Variants in PRICKLE1 observed in about 807,000 individuals in gnomAD.
PRICKLE1 encodes the protein prickle planar cell polarity protein 1.
PRICKLE1 carries 14 observed loss-of-function variants against 70.2 expected under a neutral mutation model. The observed-to-expected ratio is 0.20, with a 90% confidence interval of 0.13 to 0.31. The LOEUF (loss-of-function observed/expected upper bound fraction) is 0.31, where lower values mean the gene tolerates loss of function less well. Among genes scored for constraint, PRICKLE1 ranks in the 10% least tolerant of loss-of-function variants. The pLI, the probability that PRICKLE1 is intolerant of heterozygous loss-of-function variation, is 1.00. For missense variants in PRICKLE1, 821 were observed against 1,026.2 expected (o/e 0.80, Z 2.73); for synonymous variants, 357 against 379.9 (o/e 0.94, Z 0.70).
chr12:42,495,264 T>C (rs538747849), intron 1 of PRICKLE1, among the ~76,000 whole-genome samples: 7 of 151,232 alleles, frequency 4.6e-5, no homozygotes, highest in Admixed American at 2.0e-4. Flanking sequence ...TGTGCACCTA[T>C]AGTCCCAGCT....
intron 1 of PRICKLE1, among the ~76,000 whole-genome samples, chr12:42,555,481 C>T (rs997900517): frequency 2.6e-5 from 4 of 152,108 alleles, no homozygotes; most frequent in African/African-American, 9.7e-5. Flanking sequence ...CATTGCTTTT[C>T]TTATTCCCAC....
chr12:42,560,175 C>T (rs887728378), intron 1 of PRICKLE1, among the ~76,000 whole-genome samples: 6 of 149,924 alleles, frequency 4.0e-5, no homozygotes, highest in South Asian at 2.1e-4. Flanking sequence ...CTCGCTCTGT[C>T]GCCCAGGCTG....
intron 1 of PRICKLE1, among the ~76,000 whole-genome samples, chr12:42,479,657 C>T (rs898593032): frequency 9.9e-5 from 15 of 152,270 alleles, no homozygotes; most frequent in African/African-American, 3.1e-4. Flanking sequence ...AAAGCCAGAA[C>T]TTAGAAAGAA....
chr12:42,532,084 G>A (rs1170153043), intron 1 of PRICKLE1, among the ~76,000 whole-genome samples: 1 of 152,194 alleles, frequency 6.6e-6, no homozygotes, highest in Non-Finnish European at 1.5e-5. Flanking sequence ...ACGATCGCTT[G>A]AGCCTGGGAG....
intron 1 of PRICKLE1, among the ~76,000 whole-genome samples, chr12:42,546,359 T>C (rs1014580452): frequency 6.6e-6 from 1 of 152,214 alleles, no homozygotes; most frequent in African/African-American, 2.4e-5. Context: ...AAAAATTAAG[T>C]GAAAACAGAT....
At chr12:42,509,900 C>T (rs1939481825) in intron 1 of PRICKLE1, among the ~76,000 whole-genome samples, 1 of 151,778 alleles carries the variant, frequency 6.6e-6, no homozygotes. Context: ...TGGTGAAACC[C>T]TGTCTCTACT....
At chr12:42,537,202 A>G (rs2708034) in intron 1 of PRICKLE1, among the ~76,000 whole-genome samples, 1 of 151,788 alleles carries the variant, frequency 6.6e-6, no homozygotes, top group Non-Finnish European at 1.5e-5. Context: ...GTAGTACTAT[A>G]ATCATGGTTC....
At chr12:42,577,328 C>G (rs981859385) in intron 1 of PRICKLE1, among the ~76,000 whole-genome samples, 1 of 151,690 alleles carries the variant, frequency 6.6e-6, no homozygotes, top group Non-Finnish European at 1.5e-5. Flanking sequence ...ACATTGAACT[C>G]TAAGGTAAAC....
intron 1 of PRICKLE1, among the ~76,000 whole-genome samples, chr12:42,566,625 T>C (rs1940625020): frequency 6.6e-6 from 1 of 152,222 alleles, no homozygotes; most frequent in African/African-American, 2.4e-5. Context: ...AGGTTTGTTA[T>C]TAGGATTAAA....
chr12:42,550,589 A>T (rs533250928), intron 1 of PRICKLE1, among the ~76,000 whole-genome samples: 4 of 152,230 alleles, frequency 2.6e-5, no homozygotes, highest in Non-Finnish European at 5.9e-5. Context: ...TGTGGAAAAG[A>T]CATAACCCCT....
rs563801693 is a variant in PRICKLE1, at chr12:42,497,995, A to T, written c.-48-25431T>A. On this transcript the variant is annotated intron_variant, in intron 1 of 7. Transcript: ENST00000345127. Reference sequence around the variant, plus strand: ...AAATCTAATGATGCCATTCTCTTTTAAAAAATTATTATTTATTTATTTATT... The same window carrying T: ...AAATCTAATGATGCCATTCTCTTTTTAAAAATTATTATTTATTTATTTATT... Among the ~76,000 whole-genome samples the T allele has an allele frequency of 2.6e-4, 40 of 152,182 alleles. No individual in the cohort carries two copies. In the South Asian group the frequency reaches 6.9e-3, roughly 26 times the overall value.
intron 1 of PRICKLE1, among the ~76,000 whole-genome samples, chr12:42,479,104 A>G (rs1185867445): frequency 6.6e-6 from 1 of 152,244 alleles, no homozygotes; most frequent in Non-Finnish European, 1.5e-5. Context: ...TTAAAACAGA[A>G]AAGAATTTCA....
At chr12:42,514,399 GATC>G (rs949285515) in intron 1 of PRICKLE1, among the ~76,000 whole-genome samples, 5 of 150,802 alleles carry the variant, frequency 3.3e-5, no homozygotes, top group African/African-American at 1.2e-4. Flanking sequence ...GAAGAAGAAA[GATC>G]ATCATCTTTT....
intron 1 of PRICKLE1, among the ~76,000 whole-genome samples, chr12:42,556,991 GTT>G (rs199967853): frequency 7.0e-6 from 1 of 143,774 alleles, no homozygotes. Context: ...CAAAATTTCT[GTT>G]TTTTTTTTTT....
In PRICKLE1 at chr12:42,459,949, G is replaced by A. The variant is rs1937738994; in HGVS notation, c.2356C>T (p.Pro786Ser). The stretch of plus-strand genomic sequence containing the variant: ...TAGTAGGCAAATCTCTGTGGCCGGG[G>A]TTGAGGGATTGGTTGTCCAAGAAAA... ...GYFLGQPIPQPRPQRFAYYTD... is the reference protein window; with the variant it reads ...GYFLGQPIPQSRPQRFAYYTD... The change falls in exon 8 of 8, where the codon CCC (proline) becomes TCC (serine). Residue 786 changes from proline to serine, a missense_variant. Coordinates refer to ENST00000345127, the MANE Select transcript of PRICKLE1 (RefSeq NM_153026.3). 2 of 1,614,164 alleles carry A rather than the reference G, an allele frequency of 1.2e-6. No individual in the cohort carries two copies. The highest frequency in any genetic ancestry group is 2.2e-5 in the East Asian group (1 of 44,868).
At chr12:42,563,143 A>C (rs1940548648) in intron 1 of PRICKLE1, among the ~76,000 whole-genome samples, 1 of 151,920 alleles carries the variant, frequency 6.6e-6, no homozygotes, top group Non-Finnish European at 1.5e-5. Context: ...AGATCATGCC[A>C]ATGTACTCCA....
intron 3 of PRICKLE1, 60 bp downstream of exon 3, chr12:42,470,186 C>T: frequency 8.3e-7 from 1 of 1,205,842 alleles, no homozygotes; most frequent in Non-Finnish European, 1.2e-6. Context: ...AGCAGCATCT[C>T]AATGCTTCTC....
Position 42,557,393 on chromosome 12 carries a change from G to C in PRICKLE1, c.-49+32072C>G, listed in dbSNP as rs1013682072. 9.2e-5 allele frequency among the ~76,000 whole-genome samples: 14 copies of C among 152,040 alleles called. No individual in the cohort carries two copies. In the East Asian group the frequency reaches 9.7e-4, roughly 10 times the overall value. ...TAACCCTATCTGGTTACATCGTTTGGGAAAACGCATTTCACATTCTAAATA... is the reference window on the plus strand; with the variant it reads ...TAACCCTATCTGGTTACATCGTTTGCGAAAACGCATTTCACATTCTAAATA... On this transcript the variant is annotated intron_variant, in intron 1 of 7. Coordinates refer to ENST00000345127, the MANE Select transcript of PRICKLE1 (RefSeq NM_153026.3).
intron 1 of PRICKLE1, among the ~76,000 whole-genome samples, chr12:42,519,193 CTTTTTT>C (rs11342397): frequency 2.2e-4 from 22 of 99,208 alleles, no homozygotes; most frequent in South Asian, 1.1e-3. Flanking sequence ...CCTTTTTTTC[CTTTTTT>C]TTTTTTTTTT....
Sources: allele counts gnomAD v4.1 joint callset (sites outside exome capture counted in the v4.1 genomes callset), GRCh38; gene constraint gnomAD v4.1.1; transcripts MANE v1.5; gene names NCBI Gene and HGNC (gene_info 2026-07-23, HGNC 2026-07-21).